The following SAXO2 variants were observed in gnomAD, a reference collection of about 807,000 sequenced individuals.
SAXO2 encodes the protein stabilizer of axonemal microtubules 2.
Under a neutral mutation model 18.7 loss-of-function variants are expected in SAXO2, and 17 were observed. That is an observed-to-expected ratio of 0.91 (90% confidence interval 0.62 to 1.36). SAXO2 has a LOEUF of 1.36. Among genes scored for constraint, SAXO2 ranks in the 40% most tolerant of loss-of-function variants. The probability of loss-of-function intolerance (pLI) is 0.00; values close to 1 mark genes in which losing one functional copy is unlikely to be tolerated. For missense variants in SAXO2, 486 were observed against 562.6 expected, an observed-to-expected ratio of 0.86 and a Z score of 1.38; for synonymous variants, 163 against 181.2, an observed-to-expected ratio of 0.90 and a Z score of 0.81.
chr15:82,277,279 A>G (rs1015579765), intron 3 of SAXO2, among the ~76,000 whole-genome samples: 5 of 152,208 alleles, frequency 3.3e-5, no homozygotes, highest in African/African-American at 1.2e-4. Flanking sequence ...AAGCCCAGCT[A>G]GATCATTGCA....
rs1309982235 is a variant in SAXO2 at position 82,271,617 on chromosome 15, C to T, written c.248C>T (p.Pro83Leu). Residue 83 changes from proline (P) to leucine (L), a missense_variant, in exon 3 of 4, where the codon CCT (proline) becomes CTT (leucine). Transcript: ENST00000682753. ...ATATATTTCAGGTCGGATTATTGTC[C>T]TTATGAAATAGTTAAACAGCCTCGC... is the stretch of plus-strand genomic sequence containing the variant. The part of the protein sequence containing the change: ...GITTFKSDYC[P>L]YEIVKQPRHV... 2 of 1,611,928 alleles carry T rather than the reference C, an allele frequency of 1.2e-6. No homozygotes were observed. The highest frequency in any genetic ancestry group is 2.2e-5 in the South Asian group (2 of 90,584).
At chr15:82,273,153 A>G (rs1009277419) in intron 3 of SAXO2, among the ~76,000 whole-genome samples, 7 of 152,112 alleles carry the variant, frequency 4.6e-5, no homozygotes, top group Admixed American at 4.6e-4. Context: ...TGATGCACCC[A>G]CTTCGGCCTC....
At chr15:82,280,565 T>TG (rs1183550861) in intron 3 of SAXO2, among the ~76,000 whole-genome samples, 4 of 152,180 alleles carry the variant, frequency 2.6e-5, no homozygotes, top group Non-Finnish European at 5.9e-5. Flanking sequence ...CCAGGGAGCT[T>TG]GAAGGAAGAG....
chr15:82,269,147 A>G (rs2075246980), intron 2 of SAXO2, among the ~76,000 whole-genome samples: 2 of 152,220 alleles, frequency 1.3e-5, no homozygotes. Context: ...AAAAGCAGTC[A>G]TGATCTCTGT....
rs370145365 is a variant in SAXO2 at position 82,283,073 on chromosome 15, G to A, written c.*11G>A. On this transcript the variant is annotated 3_prime_UTR_variant, in exon 4 of 4. Coordinates refer to ENST00000682753, the MANE Select transcript of SAXO2 (RefSeq NM_001348699.2). ...GTGAAGGCCTTCTAATAACCAAAAT[G>A]TGCTTAAAAGGAAGGTACTAGCAAG... The A allele has an allele frequency of 1.3e-4, 208 of 1,562,552 alleles. 1 individual carries two copies. The African/African-American group carries it at 2.3e-3, about 17-fold the overall frequency.
chr15:82,265,894 T>TA, intron 2 of SAXO2, 146 bp downstream of exon 2: 1 of 473,502 alleles, frequency 2.1e-6, no homozygotes, highest in Non-Finnish European at 3.4e-6. Context: ...AGTCACAACT[T>TA]GAAAAAAAAA....
chr15:82,271,487 C>T, intron 2 of SAXO2, 116 bp from the exon 3 acceptor site: 1 of 851,482 alleles, frequency 1.2e-6, no homozygotes, highest in Non-Finnish European at 1.8e-6. Flanking sequence ...ATTTTAATAT[C>T]TTCTCAGACT....
intron 2 of SAXO2, among the ~76,000 whole-genome samples, chr15:82,266,761 A>G (rs1038652544): frequency 1.3e-5 from 2 of 152,196 alleles, no homozygotes; most frequent in Admixed American, 6.5e-5. Flanking sequence ...CCTTCCTGTT[A>G]TTTATCATTA....
Position 82,282,686 on chromosome 15 carries a change from G to A in SAXO2, c.1001G>A (p.Ser334Asn). 2.5e-6 allele frequency: 4 copies of A among 1,614,134 alleles called. No individual in the cohort carries two copies. The highest frequency in any genetic ancestry group is 3.4e-6 in the Non-Finnish European group (4 of 1,180,018). ...VPIRPVSQKRSNNFPFQGKSI... is the reference protein window; with the variant it reads ...VPIRPVSQKRNNNFPFQGKSI... ...ATCAGGCCAGTTTCTCAAAAAAGAA[G>A]TAACAATTTTCCTTTCCAAGGAAAA... The change falls in exon 4 of 4, where the codon AGT becomes AAT. Residue 334 changes from serine to asparagine, a missense_variant. Coordinates refer to ENST00000682753, the MANE Select transcript of SAXO2 (RefSeq NM_001348699.2).
At position 82,271,744 on chromosome 15, in the gene SAXO2, C is replaced by A. The variant is rs1351819469; in HGVS notation, c.375C>A (p.Val125=). 3 of 1,613,994 alleles carry A rather than the reference C, an allele frequency of 1.9e-6. No homozygotes were observed. The highest frequency in any genetic ancestry group is 1.3e-5 in the African/African-American group (1 of 74,930). ...ATAAAGTGCAGCCTGTGGCAATAGT[C>A]CGGCCTTTGGAGAGACAAGTTAAAA... The part of the protein sequence containing the change: ...NSYKVQPVAI[V]RPLERQVKKG... The change falls in exon 3 of 4, where the codon GTC becomes GTA. Residue 125 remains valine (V), a synonymous_variant. Coordinates refer to ENST00000682753, the MANE Select transcript of SAXO2 (RefSeq NM_001348699.2).
intron 3 of SAXO2, among the ~76,000 whole-genome samples, chr15:82,272,745 G>A (rs2075283893): frequency 6.6e-6 from 1 of 151,958 alleles, no homozygotes; most frequent in African/African-American, 2.4e-5. Flanking sequence ...GTTTCACCAT[G>A]TTGGCCAGGC....
chr15:82,266,581 C>T (rs2075220591), intron 2 of SAXO2, among the ~76,000 whole-genome samples: 1 of 152,164 alleles, frequency 6.6e-6, no homozygotes. Flanking sequence ...TGCCAGGTTT[C>T]CCTTGTCTCA....
chr15:82,273,157 C>A (rs948044071), intron 3 of SAXO2, among the ~76,000 whole-genome samples: 1 of 152,128 alleles, frequency 6.6e-6, no homozygotes, highest in Non-Finnish European at 1.5e-5. Flanking sequence ...GCACCCACTT[C>A]GGCCTCCCAA....
intron 1 of SAXO2, 131 bp from the exon 2 acceptor site, chr15:82,265,438 G>A (rs1461989530): frequency 1.3e-5 from 7 of 550,414 alleles, no homozygotes; most frequent in African/African-American, 2.0e-5. Context: ...CACTGTGCCC[G>A]GCCCAGTTTT....
chr15:82,282,233 C>G lies in SAXO2; in HGVS notation c.548C>G (p.Pro183Arg), dbSNP rs1269732312. The G allele has an allele frequency of 4.3e-6, 7 of 1,614,136 alleles. No homozygotes were observed. In the Middle Eastern group the frequency reaches 5.0e-4, roughly 114 times the overall value. The part of the protein sequence containing the change: ...NSTTFQDDFV[P>R]QEIKPRQSFK... Reference sequence around the variant, plus strand: ...ACTACATTTCAGGATGATTTTGTTCCTCAGGAGATAAAGCCTAGGCAAAGC... The same window carrying G: ...ACTACATTTCAGGATGATTTTGTTCGTCAGGAGATAAAGCCTAGGCAAAGC... The change falls in exon 4 of 4, where the codon CCT (proline) becomes CGT (arginine). Residue 183 changes from proline to arginine, a missense_variant. By Grantham distance (103) the Pro-to-Arg change is moderately radical. Transcript: ENST00000682753.
chr15:82,264,704 C>T (rs537047520), intron 1 of SAXO2: 14 of 702,382 alleles, frequency 2.0e-5, no homozygotes, highest in Non-Finnish European at 3.4e-5. Flanking sequence ...ACTGCCTCTG[C>T]CATAATCAGA....
chr15:82,271,872 C>A, intron 3 of SAXO2, 70 bp downstream of exon 3: 1 of 1,321,032 alleles, frequency 7.6e-7, no homozygotes, highest in Non-Finnish European at 1.1e-6. Context: ...CATCTAATAT[C>A]AAATTATAAC....
intron 3 of SAXO2, among the ~76,000 whole-genome samples, chr15:82,279,107 C>G (rs1175513588): frequency 1.3e-5 from 2 of 151,684 alleles, no homozygotes; most frequent in African/African-American, 2.4e-5. Context: ...AACAATGAAA[C>G]CAAAAATTGG....
rs757444332 is a variant in SAXO2 at position 82,282,173 on chromosome 15, C to T, written c.488C>T (p.Thr163Ile). The T allele has an allele frequency of 3.1e-6, 5 of 1,613,956 alleles. No homozygotes were observed. The South Asian group carries it at 3.3e-5, about 11-fold the overall frequency. ...AGTGAACTTTATAAGCCAGAACAAACTTACCACCCGCCTACTGTGAAATTT... is the reference window on the plus strand; with the variant it reads ...AGTGAACTTTATAAGCCAGAACAAATTTACCACCCGCCTACTGTGAAATTT... Reference protein sequence around the residue: ...HKSELYKPEQTYHPPTVKFGN... With the variant: ...HKSELYKPEQIYHPPTVKFGN... Residue 163 changes from threonine to isoleucine, a missense_variant, in exon 4 of 4, where the codon ACT becomes ATT. Thr to Ile is a moderately conservative substitution (Grantham distance 89). Transcript: ENST00000682753.
Sources: gnomAD v4.1 joint callset for allele counts (sites outside exome capture counted in the v4.1 genomes callset) on GRCh38, gnomAD v4.1.1 for gene constraint, MANE v1.5 for transcripts, NCBI Gene and HGNC (gene_info 2026-07-23, HGNC 2026-07-21) for gene names.